ZP3: variants seen among roughly 807,000 people sequenced by gnomAD.
ZP3 encodes the protein zona pellucida glycoprotein 3.
A neutral mutation model predicts 35.6 loss-of-function variants in ZP3; 21 were observed. That is an observed-to-expected ratio of 0.59 (90% CI 0.42 to 0.85). The LOEUF (loss-of-function observed/expected upper bound fraction) is 0.85. ZP3 is among the 40% of genes least tolerant of loss of function. ZP3 has a pLI of 0.00. For synonymous variants in ZP3, 207 were observed against 214.5 expected, an observed-to-expected ratio of 0.96 and a Z score of 0.31; for missense variants, 437 against 536.5, an observed-to-expected ratio of 0.81 and a Z score of 1.83.
At position 76,432,914 on chromosome 7, in the gene ZP3, G is replaced by A; in HGVS notation, c.432-13G>A. 3 of 1,613,080 alleles carry A rather than the reference G, an allele frequency of 1.9e-6. No homozygotes were observed. Among genetic ancestry groups the A allele is most frequent in the Admixed American group, 1.7e-5 (1 of 59,970 alleles). ...CCTGAGGCAGGTGTGCACAGCTGCT[G>A]TTCTTCTCTCAGGCAGGGCAATGTG... On this transcript the variant is annotated splice_polypyrimidine_tract_variant and intron_variant, in intron 2 of 7. Transcript: ENST00000394857.
intron 2 of ZP3, among the ~76,000 whole-genome samples, chr7:76,429,862 G>A (rs1414321956): frequency 6.6e-6 from 1 of 152,176 alleles, no homozygotes; most frequent in African/African-American, 2.4e-5. Context: ...AAGCTTCAGA[G>A]CTGCTCAGCC....
At chr7:76,405,317 G>C (rs1339090961) in intron 1 of ZP3, among the ~76,000 whole-genome samples, 24 of 15,648 alleles carry the variant, frequency 1.5e-3, no homozygotes, top group Admixed American at 2.6e-3. Context: ...ATATATATAT[G>C]TATTTTTTTC....
chr7:76,436,025 G>GT (rs1805990467), intron 5 of ZP3, among the ~76,000 whole-genome samples: 3 of 60,864 alleles, frequency 4.9e-5, no homozygotes, highest in African/African-American at 2.2e-4. Flanking sequence ...CGCGCCCCCC[G>GT]CCCCCTTTTT....
At chr7:76,425,486 G>C (rs1199123999) in intron 1 of ZP3, among the ~76,000 whole-genome samples, 1 of 152,112 alleles carries the variant, frequency 6.6e-6, no homozygotes, top group Non-Finnish European at 1.5e-5. Context: ...GGGTCGATGG[G>C]GTGGAGCCAG....
At chr7:76,407,577 A>G (rs1303737718) in intron 1 of ZP3, among the ~76,000 whole-genome samples, 2 of 152,060 alleles carry the variant, frequency 1.3e-5, no homozygotes, top group Non-Finnish European at 2.9e-5. Context: ...ACAAAACTAA[A>G]AAACAATTAG....
chr7:76,416,036 A>G (rs1209839769), intron 1 of ZP3, among the ~76,000 whole-genome samples: 1 of 151,716 alleles, frequency 6.6e-6, no homozygotes, highest in Non-Finnish European at 1.5e-5. Context: ...AGGCTGAGGC[A>G]TGAGAATCGC....
intron 1 of ZP3, chr7:76,397,926 C>A: frequency 7.9e-7 from 1 of 1,258,096 alleles, no homozygotes; most frequent in Non-Finnish European, 1.1e-6. Context: ...GATCTACAAC[C>A]CTTGGGCATC....
chr7:76,421,925 G>A (rs1356633845), upstream of ZP3, among the ~76,000 whole-genome samples: 1 of 151,770 alleles, frequency 6.6e-6, no homozygotes, highest in East Asian at 1.9e-4. Flanking sequence ...GAGACAGAGT[G>A]TTGCTCTGTT....
rs754303319 is a variant in ZP3 at position 76,425,168 on chromosome 7, T to C, written c.204T>C (p.Ala68=). The change falls in exon 1 of 8, where the codon GCT becomes GCC. Residue 68 remains alanine (A), a synonymous_variant. Coordinates refer to ENST00000394857, the MANE Select transcript of ZP3 (RefSeq NM_001110354.2). The stretch of plus-strand genomic sequence containing the variant: ...TTGGCACCGGGAAGCTCATCAGGGC[T>C]GCTGACCTCACCTTGGGCCCAGAGG... The part of the protein sequence containing the change: ...DLFGTGKLIR[A]ADLTLGPEAC... The C allele has an allele frequency of 2.3e-5, 37 of 1,613,932 alleles. No individual in the cohort carries two copies. Among genetic ancestry groups the C allele is most frequent in the Non-Finnish European group, 2.9e-5 (34 of 1,180,032 alleles).
At chr7:76,431,831 G>A (rs1805833312) in intron 2 of ZP3, among the ~76,000 whole-genome samples, 3 of 151,516 alleles carry the variant, frequency 2.0e-5, no homozygotes, top group South Asian at 2.1e-4. Flanking sequence ...CCTGGGTGGT[G>A]GAGCTTGCAG....
At chr7:76,426,551 G>A (rs1424660218) in intron 1 of ZP3, among the ~76,000 whole-genome samples, 7 of 152,114 alleles carry the variant, frequency 4.6e-5, no homozygotes, top group Admixed American at 2.6e-4. Flanking sequence ...TCCTGGGGAG[G>A]GAGGCCAGAG....
intron 1 of ZP3, among the ~76,000 whole-genome samples, chr7:76,415,857 C>G (rs1805356834): frequency 1.3e-5 from 2 of 151,678 alleles, no homozygotes; most frequent in African/African-American, 4.8e-5. Context: ...GGGCTAGCCG[C>G]AGTGGCTCAT....
rs574537323 is a variant in ZP3 at position 76,406,864 on chromosome 7, C to T, written c.-67+9067C>T. On this transcript the variant is annotated intron_variant, in intron 1 of 8. Transcript: ENST00000336517. ...GCAGCGTTTAGTCTCTCAGACCTTC[C>T]TTCACTTTTTTTATGTATTTGTGTG... Among the ~76,000 whole-genome samples, 133 of 151,826 alleles carry T rather than the reference C, an allele frequency of 8.8e-4. 1 individual carries two copies. Among genetic ancestry groups the T allele is most frequent in the Non-Finnish European group, 1.5e-3 (99 of 67,958 alleles).
Position 76,440,542 on chromosome 7 carries a change from A to C in ZP3, c.991A>C (p.Ser331Arg). 6.2e-7 allele frequency: 1 copy of C among 1,614,208 alleles called. No individual in the cohort carries two copies. The highest frequency in any genetic ancestry group is 8.5e-7 in the Non-Finnish European group (1 of 1,180,040). The change falls in exon 7 of 8, where the codon AGC becomes CGC. Residue 331 changes from serine to arginine, a missense_variant. Around this residue, in one of 6 missense-constraint regions of ZP3, gnomAD observed 41 missense variants for 50.2 expected, o/e 0.82. Coordinates refer to ENST00000394857, the MANE Select transcript of ZP3 (RefSeq NM_001110354.2). ...CCNKGDCGTPSHSRRQPHVMS... is the reference protein window; with the variant it reads ...CCNKGDCGTPRHSRRQPHVMS... ...TAACAAAGGTGACTGTGGCACTCCA[A>C]GCCATTCCAGGAGGCAGCCTCATGT...
At chr7:76,398,913 C>T (rs1224638237) in intron 1 of ZP3, 1 of 1,022,590 alleles carries the variant, frequency 9.8e-7, no homozygotes, top group Non-Finnish European at 1.5e-6. Context: ...AGCCTCTGGC[C>T]ACACAAAGAG....
At chr7:76,411,288 C>G (rs1424011629) in intron 1 of ZP3, among the ~76,000 whole-genome samples, 1 of 152,078 alleles carries the variant, frequency 6.6e-6, no homozygotes, top group Non-Finnish European at 1.5e-5. Context: ...AAACAGTGGC[C>G]AGGAGTAGTG....
At chr7:76,400,280 A>C (rs1584026104) in intron 1 of ZP3, 1 of 1,459,032 alleles carries the variant, frequency 6.9e-7, no homozygotes, top group East Asian at 2.6e-5. Context: ...CCAGGGCTCC[A>C]CTCACCATCA....
chr7:76,406,090 A>T (rs1234810468), intron 1 of ZP3, among the ~76,000 whole-genome samples: 1 of 151,978 alleles, frequency 6.6e-6, no homozygotes, highest in Non-Finnish European at 1.5e-5. Flanking sequence ...GGTTCAAGCG[A>T]TTCTCCTGCC....
chr7:76,431,636 A>G (rs1045912971), intron 2 of ZP3, among the ~76,000 whole-genome samples: 2 of 152,116 alleles, frequency 1.3e-5, no homozygotes, highest in Non-Finnish European at 2.9e-5. Context: ...ATGGTGGCTC[A>G]CGCCTATAAT....
Sources: allele counts gnomAD v4.1 joint callset (sites outside exome capture counted in the v4.1 genomes callset), GRCh38; gene constraint gnomAD v4.1.1; regional missense constraint gnomAD v4.1.1; transcripts MANE v1.5; gene names NCBI Gene and HGNC (gene_info 2026-07-23, HGNC 2026-07-21).